Variants in PUM3 observed in about 807,000 individuals in gnomAD.
The protein encoded by PUM3 is pumilio RNA binding family member 3.
A neutral mutation model predicts 84.0 loss-of-function variants in PUM3; 91 were observed. The observed-to-expected ratio is 1.08, with a 90% CI of 0.91 to 1.29. The LOEUF is 1.29. PUM3 is among the 50% of genes most tolerant of loss of function. The pLI, the probability that PUM3 is intolerant of heterozygous loss-of-function variation, is 0.00. For missense variants in PUM3, 1,067 were observed against 767.5 expected (o/e 1.39, Z -4.61); for synonymous variants, 321 against 266.7 (o/e 1.20, Z -1.98).
chr9:2,810,850 G>A lies in PUM3; in HGVS notation c.1636-419C>T, dbSNP rs572666822. Reference sequence around the variant, plus strand: ...TGCTGTTTAAGTACACATGACCACCGAAGGGGATTATCTGATGAGCGAATC... The same window carrying A: ...TGCTGTTTAAGTACACATGACCACCAAAGGGGATTATCTGATGAGCGAATC... On this transcript the variant is annotated intron_variant, in intron 15 of 17. Coordinates refer to ENST00000397885, the MANE Select transcript of PUM3 (RefSeq NM_014878.5). Among the ~76,000 whole-genome samples the A allele has an allele frequency of 1.5e-4, 23 of 152,292 alleles. No individual in the cohort carries two copies. In the East Asian group the frequency reaches 2.5e-3, roughly 17 times the overall value.
At position 2,832,415 on chromosome 9, in the gene PUM3, G is replaced by C. The variant is rs180943571; in HGVS notation, c.516+942C>G. ...CCCAGATACATCAAATATACAACAC[G>C]GATGATGACATACAGTAAACGACAC... On this transcript the variant is annotated intron_variant, in intron 5 of 17. Transcript: ENST00000397885. 2.8e-4 allele frequency among the ~76,000 whole-genome samples: 43 copies of C among 152,192 alleles called. No homozygotes were observed. The East Asian group carries it at 7.5e-3, about 27-fold the overall frequency.
intron 1 of PUM3, among the ~76,000 whole-genome samples, chr9:2,840,720 T>C (rs1425954587): frequency 6.6e-6 from 1 of 152,254 alleles, no homozygotes; most frequent in African/African-American, 2.4e-5. Flanking sequence ...CTGTGTCCTT[T>C]TGACGCGGCC....
At chr9:2,843,870 G>A (rs1286406389) in intron 1 of PUM3, among the ~76,000 whole-genome samples, 175 bp downstream of exon 1, 2 of 152,106 alleles carry the variant, frequency 1.3e-5, no homozygotes, top group Non-Finnish European at 2.9e-5. Context: ...GAGCCACCGC[G>A]CCCGGCCAGT....
Position 2,823,800 on chromosome 9 carries a change from T to C in PUM3, c.1169A>G (p.Tyr390Cys), listed in dbSNP as rs1402252205. ...ACTTACATTAGCCACCTTTTCAACA[T>C]AAGTCTTCATTGTTTTCACAATCAC... ...RKVIVKTMKT[Y>C]VEKVANGQYS... The change falls in exon 12 of 18, where the codon TAT becomes TGT. Residue 390 changes from tyrosine to cysteine, a missense_variant. By Grantham distance (194) the Tyr-to-Cys change is radical. Transcript: ENST00000397885. The C allele has an allele frequency of 4.0e-6, 6 of 1,514,700 alleles. No homozygotes were observed. Among genetic ancestry groups the C allele is most frequent in the African/African-American group, 2.8e-5 (2 of 72,454 alleles). The allele number at this position is 1,514,700 out of a possible 1,614,324, so 93.8% of individuals were successfully genotyped here. A position where few individuals can be genotyped will look rare whatever the true frequency, so the allele number is the denominator to read the frequency against.
intron 1 of PUM3, among the ~76,000 whole-genome samples, chr9:2,842,956 C>G (rs971438505): frequency 2.0e-5 from 3 of 152,180 alleles, no homozygotes; most frequent in African/African-American, 7.2e-5. Context: ...TTCCTCTCTA[C>G]TCTGCCACGC....
Position 2,834,061 on chromosome 9 carries a change from C to T in PUM3, c.410G>A (p.Arg137Gln), listed in dbSNP as rs780759295. 61 of 1,613,220 alleles carry T rather than the reference C, an allele frequency of 3.8e-5. No individual in the cohort carries two copies. The highest frequency in any genetic ancestry group is 6.7e-5 in the African/African-American group (5 of 74,854). ...TAAAATCTCCCACATCTGCTTTGCC[C>T]GAACAACAATGTCATAGTTGGTTTT... is the stretch of plus-strand genomic sequence containing the variant. ...SDKTNYDIVV[R>Q]AKQMWEILRR... The change falls in exon 4 of 18, where the codon CGG (arginine) becomes CAG (glutamine). Residue 137 changes from arginine (R) to glutamine (Q), a missense_variant. Physicochemically the swap from Arg to Gln is conservative, Grantham distance 43. Transcript: ENST00000397885.
chr9:2,843,796 T>C (rs1816332319), intron 1 of PUM3, among the ~76,000 whole-genome samples: 1 of 151,794 alleles, frequency 6.6e-6, no homozygotes, highest in South Asian at 2.1e-4. Context: ...GCCAGGATGG[T>C]CTCGATCTCC....
intron 6 of PUM3, 38 bp downstream of exon 6, chr9:2,831,213 T>C: frequency 7.2e-7 from 1 of 1,381,020 alleles, no homozygotes. Context: ...AGTGACTTAT[T>C]GCAAATGATA....
intron 11 of PUM3, 45 bp downstream of exon 11, chr9:2,824,672 G>A: frequency 1.6e-6 from 2 of 1,269,268 alleles, no homozygotes; most frequent in Admixed American, 2.4e-5. Flanking sequence ...ATAAAGCATG[G>A]CCCTGACTTG....
Position 2,810,230 on chromosome 9 carries a change from T to C in PUM3, c.1723+114A>G. Reference sequence around the variant, plus strand: ...ATTTCTTATTCACAGACACCATTTCTAGACACTTGGCAAACTTCATTTGAG... The same window carrying C: ...ATTTCTTATTCACAGACACCATTTCCAGACACTTGGCAAACTTCATTTGAG... On this transcript the variant is annotated intron_variant, in intron 16 of 17. Transcript: ENST00000397885. The C allele has an allele frequency of 4.3e-6, 3 of 696,022 alleles. 1 individual carries two copies. The highest frequency in any genetic ancestry group is 3.3e-5 in the South Asian group (2 of 61,062). The allele number at this position is 696,022 out of a possible 1,614,324, so 43.1% of individuals were successfully genotyped here. A position where few individuals can be genotyped will look rare whatever the true frequency, so the allele number is the denominator to read the frequency against.
At chr9:2,821,977 T>C (rs554962315) in intron 12 of PUM3, among the ~76,000 whole-genome samples, 1 of 152,266 alleles carries the variant, frequency 6.6e-6, no homozygotes, top group South Asian at 2.1e-4. Flanking sequence ...AAATGACCCA[T>C]AATATGAATT....
intron 1 of PUM3, among the ~76,000 whole-genome samples, chr9:2,841,842 G>C (rs529755525): frequency 8.5e-5 from 13 of 152,262 alleles, no homozygotes; most frequent in Non-Finnish European, 1.6e-4. Flanking sequence ...AATGCTGGCA[G>C]ATTTATTAAA....
rs751953821 is a variant in PUM3, at chr9:2,824,798, G to A, written c.1053C>T (p.Ile351=). The A allele has an allele frequency of 1.9e-6, 3 of 1,571,776 alleles. No homozygotes were observed. The highest frequency in any genetic ancestry group is 2.6e-6 in the Non-Finnish European group (3 of 1,153,084). ...PKLRSEMIEA[I]REAVVYLAHT... is the part of the protein sequence containing the mutation. Reference sequence around the variant, plus strand: ...GTGCCAGGTAGACCACCGCTTCGCGGATGGCTTCAATCATTTCCTAGGGAA... The same window carrying A: ...GTGCCAGGTAGACCACCGCTTCGCGAATGGCTTCAATCATTTCCTAGGGAA... Residue 351 remains isoleucine, a synonymous_variant, in exon 11 of 18, where the codon ATC becomes ATT. Coordinates refer to ENST00000397885, the MANE Select transcript of PUM3 (RefSeq NM_014878.5).
chr9:2,834,256 C>G, intron 3 of PUM3, 90 bp from the exon 4 acceptor site: 1 of 1,106,412 alleles, frequency 9.0e-7, no homozygotes, highest in Non-Finnish European at 1.3e-6. Flanking sequence ...AATCACTAAT[C>G]AGGATCAATG....
Position 2,804,171 on chromosome 9 carries a change from A to G in PUM3, c.*160T>C. On this transcript the variant is annotated 3_prime_UTR_variant, in exon 18 of 18. Transcript: ENST00000397885. ...CTGAGATTTTTAAAAAAGACCATTT[A>G]AAAAAACAATTTATATAAATAGATT... 2 of 663,274 alleles carry G rather than the reference A, an allele frequency of 3.0e-6. No homozygotes were observed. Among genetic ancestry groups the G allele is most frequent in the African/African-American group, 1.8e-5 (1 of 54,404 alleles). The allele number at this position is 663,274 out of a possible 1,614,324, so 41.1% of individuals were successfully genotyped here.
At chr9:2,833,890 T>G in intron 4 of PUM3, 141 bp downstream of exon 4, 10 of 713,870 alleles carry the variant, frequency 1.4e-5, no homozygotes, top group Non-Finnish European at 2.1e-5. Flanking sequence ...AGTACTGATG[T>G]CTCTAATGGG....
At chr9:2,827,394 G>A (rs541408584) in intron 9 of PUM3, among the ~76,000 whole-genome samples, 105 of 152,216 alleles carry the variant, frequency 6.9e-4, no homozygotes, top group African/African-American at 2.5e-3. Flanking sequence ...TATTTAATCG[G>A]CAAACATAAA....
In PUM3 at chr9:2,837,372, T is replaced by G. The variant is rs760274848; in HGVS notation, c.112A>C (p.Arg38=). The change falls in exon 3 of 18, where the codon AGG becomes CGG. Residue 38 remains arginine, a synonymous_variant. Transcript: ENST00000397885. Reference sequence around the variant, plus strand: ...GGTCCACCTTCTTTAGCAACTTTCCTTGTTGGAAATGTCTTTGAAGAACCA... The same window carrying G: ...GGTCCACCTTCTTTAGCAACTTTCCGTGTTGGAAATGTCTTTGAAGAACCA... ...DSGSSKTFPT[R]KVAKEGGPKV... The G allele has an allele frequency of 2.5e-6, 4 of 1,613,218 alleles. No individual in the cohort carries two copies. The highest frequency in any genetic ancestry group is 3.4e-6 in the Non-Finnish European group (4 of 1,179,376).
At chr9:2,812,955 G>A (rs1444512798) in intron 13 of PUM3, among the ~76,000 whole-genome samples, 1 of 152,206 alleles carries the variant, frequency 6.6e-6, no homozygotes, top group African/African-American at 2.4e-5. Flanking sequence ...TCCCTGCTGA[G>A]ATGTATGTGA....
Sources: gnomAD v4.1 joint callset for allele counts (sites outside exome capture counted in the v4.1 genomes callset) on GRCh38, gnomAD v4.1.1 for gene constraint, MANE v1.5 for transcripts, NCBI Gene and HGNC (gene_info 2026-07-23, HGNC 2026-07-21) for gene names.